KCNB2: variants seen among roughly 807,000 people sequenced by gnomAD.
KCNB2 encodes the protein delayed rectifier potassium channel protein.
A neutral mutation model predicts 61.5 loss-of-function variants in KCNB2; 15 were observed. The ratio of observed to expected loss-of-function variants is 0.24; its 90% CI spans 0.16 to 0.38. KCNB2 has a LOEUF of 0.38. Among genes scored for constraint, KCNB2 ranks in the 10% least tolerant of loss-of-function variants. KCNB2 has a pLI of 1.00. For synonymous variants in KCNB2, 457 were observed against 446.0 expected (o/e 1.02, Z -0.31); for missense variants, 828 against 1,125.2 (o/e 0.74, Z 3.78).
intron 1 of KCNB2, among the ~76,000 whole-genome samples, chr8:72,560,390 G>A (rs1806493142): frequency 6.6e-6 from 1 of 152,162 alleles, no homozygotes. Flanking sequence ...ATAGTGGATT[G>A]TGTCATTCAC....
intron 2 of KCNB2, among the ~76,000 whole-genome samples, chr8:72,675,106 T>A (rs1390468843): frequency 6.6e-6 from 1 of 152,138 alleles, no homozygotes; most frequent in Non-Finnish European, 1.5e-5. Flanking sequence ...CAACACATAT[T>A]GCAAGAGAAC....
In KCNB2 at chr8:72,588,463, C is replaced by T. The variant is rs185427570; in HGVS notation, c.579+20150C>T. On this transcript the variant is annotated intron_variant, in intron 2 of 2. Transcript: ENST00000523207. ...GGTGATCCGCCGACCTCAGGTGATC[C>T]GCCAACCCCAGGTGATCCGCCCACC... is the stretch of plus-strand genomic sequence containing the variant. Among the ~76,000 whole-genome samples, 656 of 151,936 alleles carry T rather than the reference C, an allele frequency of 4.3e-3. 3 individuals are homozygous for T. Among genetic ancestry groups the T allele is most frequent in the Middle Eastern group, 0.024 (7 of 294 alleles).
chr8:72,641,740 C>T (rs917928512), intron 2 of KCNB2, among the ~76,000 whole-genome samples: 2 of 152,116 alleles, frequency 1.3e-5, no homozygotes, highest in African/African-American at 2.4e-5. Flanking sequence ...TTAACTAAGA[C>T]TCAGTTTCTT....
chr8:72,786,530 C>T (rs1209055566), intron 2 of KCNB2, among the ~76,000 whole-genome samples: 1 of 152,122 alleles, frequency 6.6e-6, no homozygotes, highest in Non-Finnish European at 1.5e-5. Flanking sequence ...CAGGATTTTC[C>T]ATGGGATATT....
chr8:72,726,246 G>A (rs1807647605), intron 2 of KCNB2, among the ~76,000 whole-genome samples: 1 of 152,130 alleles, frequency 6.6e-6, no homozygotes, highest in African/African-American at 2.4e-5. Flanking sequence ...GCAGGTTGGT[G>A]GCCAATCACA....
chr8:72,861,227 C>T (rs984357299), intron 2 of KCNB2, among the ~76,000 whole-genome samples: 2 of 152,032 alleles, frequency 1.3e-5, no homozygotes, highest in Non-Finnish European at 2.9e-5. Context: ...TGCTAATGTC[C>T]CCAATGGAAA....
intron 2 of KCNB2, among the ~76,000 whole-genome samples, chr8:72,691,526 A>G (rs1181915811): frequency 6.6e-6 from 1 of 152,196 alleles, no homozygotes. Flanking sequence ...GTTTGCTGTA[A>G]TAATATTCAA....
chr8:72,927,677 CAT>C (rs1806681008), intron 2 of KCNB2, among the ~76,000 whole-genome samples: 1 of 152,226 alleles, frequency 6.6e-6, no homozygotes, highest in African/African-American at 2.4e-5. Flanking sequence ...CTGCACAAAA[CAT>C]AGAGGCATCA....
intron 2 of KCNB2, among the ~76,000 whole-genome samples, chr8:72,765,535 C>T (rs1455662570): frequency 6.6e-6 from 1 of 152,246 alleles, no homozygotes; most frequent in African/African-American, 2.4e-5. Flanking sequence ...ACAAAAATAT[C>T]ACAAATTTAA....
intron 2 of KCNB2, among the ~76,000 whole-genome samples, chr8:72,641,060 T>A (rs896720562): frequency 8.5e-5 from 13 of 152,048 alleles, no homozygotes; most frequent in Non-Finnish European, 1.6e-4. Flanking sequence ...ATTTTGAAAA[T>A]GGAAGCAAAA....
intron 2 of KCNB2, among the ~76,000 whole-genome samples, chr8:72,639,508 T>A (rs1049437323): frequency 1.3e-5 from 2 of 152,166 alleles, no homozygotes; most frequent in Admixed American, 6.6e-5. Context: ...CAACAGGGCC[T>A]CCTTAATCTG....
intron 2 of KCNB2, among the ~76,000 whole-genome samples, chr8:72,773,138 C>A (rs544692725): frequency 6.6e-5 from 10 of 152,290 alleles, no homozygotes; most frequent in Admixed American, 2.6e-4. Flanking sequence ...GCATTAGCAT[C>A]TTTCTTGGCC....
chr8:72,709,424 A>G (rs191484089), intron 2 of KCNB2, among the ~76,000 whole-genome samples: 1 of 152,048 alleles, frequency 6.6e-6, no homozygotes, highest in East Asian at 2.0e-4. Context: ...AAGAGATTTA[A>G]TTGGCTCACA....
intron 2 of KCNB2, among the ~76,000 whole-genome samples, chr8:72,737,276 G>C (rs1374025029): frequency 6.6e-6 from 1 of 152,082 alleles, no homozygotes; most frequent in East Asian, 1.9e-4. Context: ...TTCCAACTAA[G>C]GACCATTAGT....
At chr8:72,858,356 C>A (rs1032999591) in intron 2 of KCNB2, among the ~76,000 whole-genome samples, 11 of 151,634 alleles carry the variant, frequency 7.3e-5, no homozygotes, top group Non-Finnish European at 1.2e-4. Flanking sequence ...TAGAGGAAAC[C>A]ATAATCAAGT....
At chr8:72,691,395 G>A (rs1026174340) in intron 2 of KCNB2, among the ~76,000 whole-genome samples, 2 of 152,174 alleles carry the variant, frequency 1.3e-5, no homozygotes, top group Non-Finnish European at 2.9e-5. Flanking sequence ...TTCAGTCCAC[G>A]ATGGAAAACT....
At chr8:72,543,482 A>T (rs561555642) in intron 1 of KCNB2, among the ~76,000 whole-genome samples, 5 of 152,326 alleles carry the variant, frequency 3.3e-5, no homozygotes, top group African/African-American at 1.2e-4. Context: ...ATATTCATTG[A>T]GTGTGACAGC....
chr8:72,783,785 C>T (rs1430492452), intron 2 of KCNB2, among the ~76,000 whole-genome samples: 2 of 152,234 alleles, frequency 1.3e-5, no homozygotes, highest in East Asian at 1.9e-4. Flanking sequence ...AATTATGATC[C>T]AAGTTTTTAT....
At chr8:72,612,276 A>G (rs1373389723) in intron 2 of KCNB2, among the ~76,000 whole-genome samples, 1 of 152,220 alleles carries the variant, frequency 6.6e-6, no homozygotes, top group Non-Finnish European at 1.5e-5. Context: ...TGAACAATGC[A>G]GTGTTCTCAG....
Sources: allele counts gnomAD v4.1 joint callset (sites outside exome capture counted in the v4.1 genomes callset), GRCh38; gene constraint gnomAD v4.1.1; transcripts MANE v1.5; gene names NCBI Gene and HGNC (gene_info 2026-07-23, HGNC 2026-07-21).